The following CHST15 variants were observed in gnomAD, a reference collection of about 807,000 sequenced individuals.
The protein encoded by CHST15 is carbohydrate sulfotransferase 15, also known as B cell RAG associated protein (GALNAC4S-6ST).
In CHST15, 30 loss-of-function variants were observed where a neutral mutation model predicts 53.6. The ratio of observed to expected loss-of-function variants is 0.56; its 90% confidence interval spans 0.42 to 0.76. The LOEUF is 0.76. Ranked by LOEUF, CHST15 falls within the 30% of genes least tolerant of loss-of-function variation. CHST15 has a pLI of 0.00. For synonymous variants in CHST15, 296 were observed against 289.8 expected, an observed-to-expected ratio of 1.02 and a Z score of -0.22; for missense variants, 627 against 740.5, an observed-to-expected ratio of 0.85 and a Z score of 1.78.
intron 5 of CHST15, among the ~76,000 whole-genome samples, chr10:124,022,895 C>T (rs2133872203): frequency 6.7e-6 from 1 of 148,238 alleles, no homozygotes; most frequent in Non-Finnish European, 1.5e-5. Flanking sequence ...CAGCTCACTG[C>T]AACGTCCGCC....
intron 1 of CHST15, among the ~76,000 whole-genome samples, chr10:124,087,001 G>A (rs1489091077): frequency 1.3e-5 from 2 of 152,194 alleles, no homozygotes; most frequent in Non-Finnish European, 2.9e-5. Flanking sequence ...CGTGTCACGG[G>A]CGCCAAATAT....
Position 124,008,148 on chromosome 10 carries a change from T to C in CHST15, c.*2001A>G. On this transcript the variant is annotated 3_prime_UTR_variant, in exon 8 of 8. Coordinates refer to ENST00000435907, the MANE Select transcript of CHST15 (RefSeq NM_001270764.2). Reference sequence around the variant, plus strand: ...AGAAGCAGAATTACACCACATGTTATTCACATGCATAGGAGTGCATAAGAA... The same window carrying C: ...AGAAGCAGAATTACACCACATGTTACTCACATGCATAGGAGTGCATAAGAA... The C allele has an allele frequency of 1.6e-6, 2 of 1,231,132 alleles. No homozygotes were observed. Among genetic ancestry groups the C allele is most frequent in the Non-Finnish European group, 1.0e-6 (1 of 987,780 alleles). 76.3% of individuals were successfully genotyped at this position (1,231,132 alleles called of 1,614,324 possible). A position where few individuals can be genotyped will look rare whatever the true frequency, so the allele number is the denominator to read the frequency against.
intron 1 of CHST15, among the ~76,000 whole-genome samples, chr10:124,052,540 C>T (rs1399771403): frequency 1.3e-5 from 2 of 152,212 alleles, no homozygotes; most frequent in Non-Finnish European, 2.9e-5. Context: ...CAAAAGAAGT[C>T]CCCGCTAGCA....
chr10:124,092,033 C>A (rs1217219056), intron 1 of CHST15, among the ~76,000 whole-genome samples: 1 of 152,226 alleles, frequency 6.6e-6, no homozygotes, highest in East Asian at 1.9e-4. Context: ...CACGCCGGCC[C>A]ATCGGTTGCC....
At chr10:124,053,691 C>T (rs1023562842) in intron 1 of CHST15, among the ~76,000 whole-genome samples, 11 of 151,914 alleles carry the variant, frequency 7.2e-5, no homozygotes, top group Admixed American at 5.2e-4. Context: ...ACTAGGCAGG[C>T]GGATGACTCA....
rs147780001 is a variant in CHST15 at position 124,044,647 on chromosome 10, C to T, written c.819G>A (p.Leu273=). Residue 273 remains leucine, a synonymous_variant, in exon 3 of 8, where the codon CTG becomes CTA. Coordinates refer to ENST00000435907, the MANE Select transcript of CHST15 (RefSeq NM_001270764.2). ...AGAACTTGACCTCAGGGTGCAGCCGCAGGCGGTCATAGAGGTCTGTGGTCC... is the reference window on the plus strand; with the variant it reads ...AGAACTTGACCTCAGGGTGCAGCCGTAGGCGGTCATAGAGGTCTGTGGTCC... ...KCGTTDLYDR[L]RLHPEVKFSA... 1 of 1,605,802 alleles carries T rather than the reference C, an allele frequency of 6.2e-7. No homozygotes were observed. Among genetic ancestry groups the T allele is most frequent in the African/African-American group, 1.3e-5 (1 of 74,420 alleles).
chr10:124,090,195 C>T (rs1335992410), intron 1 of CHST15, among the ~76,000 whole-genome samples: 1 of 152,226 alleles, frequency 6.6e-6, no homozygotes, highest in Non-Finnish European at 1.5e-5. Context: ...ACCCCTAACC[C>T]TCTACCATAC....
chr10:124,066,312 C>T (rs1948748784), intron 1 of CHST15, among the ~76,000 whole-genome samples: 1 of 152,266 alleles, frequency 6.6e-6, no homozygotes, highest in South Asian at 2.1e-4. Flanking sequence ...GGATGTTTCT[C>T]AAACTTCTTT....
intron 5 of CHST15, among the ~76,000 whole-genome samples, chr10:124,028,808 G>C (rs1277921233): frequency 6.6e-6 from 1 of 152,230 alleles, no homozygotes; most frequent in Non-Finnish European, 1.5e-5. Flanking sequence ...ATCCCAAGCT[G>C]GTGCTGAAGT....
At chr10:124,088,379 C>G (rs1010307151) in intron 1 of CHST15, among the ~76,000 whole-genome samples, 1 of 152,238 alleles carries the variant, frequency 6.6e-6, no homozygotes, top group Non-Finnish European at 1.5e-5. Context: ...CCCCATGCAC[C>G]TGGCCCAGGG....
At position 124,008,279 on chromosome 10, in the gene CHST15, C is replaced by T. The variant is rs951216371; in HGVS notation, c.*1870G>A. The T allele has an allele frequency of 1.8e-5, 21 of 1,157,018 alleles. No homozygotes were observed. In the Admixed American group the frequency reaches 2.4e-4, roughly 13 times the overall value. The allele number at this position is 1,157,018 out of a possible 1,614,324, so 71.7% of individuals were successfully genotyped here. ...ATCTATAAAAGGGTTGTGTCCAGAGCGGAGGAGCCTCATTAGCAACTGAAC... is the reference window on the plus strand; with the variant it reads ...ATCTATAAAAGGGTTGTGTCCAGAGTGGAGGAGCCTCATTAGCAACTGAAC... On this transcript the variant is annotated 3_prime_UTR_variant, in exon 8 of 8. Coordinates refer to ENST00000435907, the MANE Select transcript of CHST15 (RefSeq NM_001270764.2).
In CHST15 at chr10:124,009,082, T is replaced by C. The variant is rs1041403543; in HGVS notation, c.*1067A>G. 1.0e-5 allele frequency: 13 copies of C among 1,271,714 alleles called. No homozygotes were observed. The highest frequency in any genetic ancestry group is 6.1e-5 in the African/African-American group (4 of 65,554). The allele number at this position is 1,271,714 out of a possible 1,614,324, so 78.8% of individuals were successfully genotyped here. A position where few individuals can be genotyped will look rare whatever the true frequency, so the allele number is the denominator to read the frequency against. ...GGTGAGGAACTTTGACCACACGCAG[T>C]GGAGAATGTGGAAATAAACTATTTC... On this transcript the variant is annotated 3_prime_UTR_variant, in exon 8 of 8. Coordinates refer to ENST00000435907, the MANE Select transcript of CHST15 (RefSeq NM_001270764.2).
Position 124,009,603 on chromosome 10 carries a change from G to C in CHST15, c.*546C>G, listed in dbSNP as rs369313656. The C allele has an allele frequency of 1.7e-5, 17 of 990,262 alleles. No homozygotes were observed. The East Asian group carries it at 1.0e-3, about 59-fold the overall frequency. 61.3% of individuals were successfully genotyped at this position (990,262 alleles called of 1,614,324 possible). ...GCGGTTCTCTGTCCCAGTGAGGTTA[G>C]CGATCGCAACAAGAGTGTTTCAGAA... On this transcript the variant is annotated 3_prime_UTR_variant, in exon 8 of 8. Coordinates refer to ENST00000435907, the MANE Select transcript of CHST15 (RefSeq NM_001270764.2).
chr10:124,021,042 G>T, intron 6 of CHST15: 2 of 1,436,334 alleles, frequency 1.4e-6, no homozygotes, highest in South Asian at 3.0e-5. Context: ...GGTGGCAGGT[G>T]ACCAGCAGGG....
chr10:124,037,012 G>A (rs1330881856), intron 5 of CHST15, among the ~76,000 whole-genome samples: 1 of 152,168 alleles, frequency 6.6e-6, no homozygotes, highest in African/African-American at 2.4e-5. Flanking sequence ...TGGGATGCCA[G>A]GGGAGAATCT....
intron 1 of CHST15, among the ~76,000 whole-genome samples, chr10:124,085,864 G>A (rs544314609): frequency 2.0e-5 from 3 of 152,298 alleles, no homozygotes; most frequent in East Asian, 3.9e-4. Flanking sequence ...TGGGGGGCTC[G>A]ATGATGAAGT....
chr10:124,029,565 G>A (rs1310850540), intron 5 of CHST15, among the ~76,000 whole-genome samples: 2 of 152,174 alleles, frequency 1.3e-5, no homozygotes, highest in African/African-American at 4.8e-5. Context: ...CTTCTCAGAG[G>A]CGACACCAAG....
chr10:124,090,724 C>T (rs117903428), intron 1 of CHST15, among the ~76,000 whole-genome samples: 232 of 152,384 alleles, frequency 1.5e-3, no homozygotes, highest in Non-Finnish European at 2.6e-3. Flanking sequence ...ACAGCAGCCA[C>T]GGTGACCGTG....
At position 124,010,114 on chromosome 10, in the gene CHST15, T is replaced by TG. The variant is rs1400072934; in HGVS notation, c.*34dup. On this transcript the variant is annotated 3_prime_UTR_variant, in exon 8 of 8. Coordinates refer to ENST00000435907, the MANE Select transcript of CHST15 (RefSeq NM_001270764.2). The stretch of plus-strand genomic sequence containing the variant: ...TGTAAAATCCTGATGATGACGGCAT[T>TG]GGCGGGCCCAGCACGTGCAGCAACA... The TG allele has an allele frequency of 6.2e-7, 1 of 1,608,260 alleles. No individual in the cohort carries two copies. The highest frequency in any genetic ancestry group is 2.2e-5 in the East Asian group (1 of 44,890).
Sources: allele counts gnomAD v4.1 joint callset (sites outside exome capture counted in the v4.1 genomes callset), GRCh38; gene constraint gnomAD v4.1.1; transcripts MANE v1.5; gene names NCBI Gene and HGNC (gene_info 2026-07-23, HGNC 2026-07-21).